RPH3A: variants seen among roughly 807,000 people sequenced by gnomAD.
RPH3A encodes rabphilin-3A.
RPH3A carries 48 observed loss-of-function variants against 102.2 expected under a neutral mutation model. The ratio of observed to expected loss-of-function variants is 0.47; its 90% CI spans 0.37 to 0.60. RPH3A has a LOEUF of 0.60. Among genes scored for constraint, RPH3A ranks in the 20% least tolerant of loss-of-function variants. The pLI is 0.00. For missense variants in RPH3A, 781 were observed against 910.1 expected (o/e 0.86, Z 1.83); for synonymous variants, 310 against 324.3 (o/e 0.96, Z 0.47).
intron 1 of RPH3A, among the ~76,000 whole-genome samples, chr12:112,714,769 C>T (rs1215988642): frequency 6.6e-6 from 1 of 152,118 alleles, no homozygotes; most frequent in African/African-American, 2.4e-5. Context: ...CACTCAGGCT[C>T]TGCAGGAAAA....
At chr12:112,582,270 C>T (rs1360265988) in intron 1 of RPH3A, among the ~76,000 whole-genome samples, 3 of 146,536 alleles carry the variant, frequency 2.0e-5, no homozygotes, top group Non-Finnish European at 4.5e-5. Context: ...TTTAGAGATA[C>T]GTTCTCATTC....
intron 1 of RPH3A, among the ~76,000 whole-genome samples, chr12:112,613,026 T>A (rs2135975371): frequency 6.6e-6 from 1 of 152,246 alleles, no homozygotes; most frequent in Non-Finnish European, 1.5e-5. Flanking sequence ...ATAATTCCTG[T>A]CTAATGAGCT....
chr12:112,675,843 T>C (rs2040170466), intron 1 of RPH3A, among the ~76,000 whole-genome samples: 1 of 152,102 alleles, frequency 6.6e-6, no homozygotes, highest in Admixed American at 6.5e-5. Flanking sequence ...AAAATAGAAA[T>C]GACACTGAGT....
chr12:112,778,784 T>C (rs1468981234), intron 1 of RPH3A, among the ~76,000 whole-genome samples: 1 of 152,186 alleles, frequency 6.6e-6, no homozygotes. Flanking sequence ...TATGCCTCTT[T>C]CCTAAGAATG....
At chr12:112,710,067 C>T (rs370490158) in intron 1 of RPH3A, among the ~76,000 whole-genome samples, 5 of 152,208 alleles carry the variant, frequency 3.3e-5, no homozygotes, top group African/African-American at 7.2e-5. Flanking sequence ...CTCCGCCGCC[C>T]GGGTTCACAC....
At chr12:112,776,735 G>A (rs1205311176) in intron 1 of RPH3A, among the ~76,000 whole-genome samples, 4 of 151,680 alleles carry the variant, frequency 2.6e-5, no homozygotes, top group East Asian at 1.9e-4. Flanking sequence ...TTAGCTGGGC[G>A]TGGTGGTGGG....
At chr12:112,755,338 C>T (rs1024328101) in intron 1 of RPH3A, among the ~76,000 whole-genome samples, 5 of 138,280 alleles carry the variant, frequency 3.6e-5, no homozygotes, top group Non-Finnish European at 6.3e-5. Flanking sequence ...CACACACACA[C>T]ATACATATGC....
At chr12:112,670,106 A>C (rs1203516752) in intron 1 of RPH3A, among the ~76,000 whole-genome samples, 1 of 152,228 alleles carries the variant, frequency 6.6e-6, no homozygotes, top group South Asian at 2.1e-4. Flanking sequence ...AATGTTAGAC[A>C]TTGCCAAAAA....
chr12:112,576,753 G>A (rs1378596547), intron 1 of RPH3A, among the ~76,000 whole-genome samples: 2 of 152,102 alleles, frequency 1.3e-5, no homozygotes, highest in East Asian at 3.8e-4. Context: ...CTTTTGGAAG[G>A]TGTGGCTATA....
intron 1 of RPH3A, among the ~76,000 whole-genome samples, chr12:112,706,398 C>G (rs2040427105): frequency 6.6e-6 from 1 of 152,158 alleles, no homozygotes; most frequent in Non-Finnish European, 1.5e-5. Context: ...CCACACAGAA[C>G]AGGTTCAAGG....
chr12:112,641,356 G>T (rs1226483261), intron 1 of RPH3A, among the ~76,000 whole-genome samples: 1 of 152,182 alleles, frequency 6.6e-6, no homozygotes, highest in African/African-American at 2.4e-5. Flanking sequence ...AATGTGGTCA[G>T]ATGTGAAGAT....
At chr12:112,739,915 G>A (rs1473912092) in intron 1 of RPH3A, among the ~76,000 whole-genome samples, 1 of 148,052 alleles carries the variant, frequency 6.8e-6, no homozygotes, top group Non-Finnish European at 1.5e-5. Flanking sequence ...TGGCCCCAAG[G>A]CTCTAGGAAT....
At chr12:112,837,784 G>T (rs971957310) in intron 4 of RPH3A, 8 of 455,800 alleles carry the variant, frequency 1.8e-5, no homozygotes, top group African/African-American at 1.2e-4. Flanking sequence ...GTTCTTAGAG[G>T]CTTCATGAAT....
At chr12:112,591,445 G>T (rs918976634) in intron 1 of RPH3A, 2 of 152,248 alleles carry the variant, frequency 1.3e-5, no homozygotes, top group Non-Finnish European at 2.9e-5. Flanking sequence ...GTCCCATGAG[G>T]TCACTTCTCT....
intron 5 of RPH3A, among the ~76,000 whole-genome samples, chr12:112,851,613 G>A (rs1027264123): frequency 1.3e-5 from 2 of 152,130 alleles, no homozygotes; most frequent in Non-Finnish European, 2.9e-5. Flanking sequence ...GCTGTCCCAG[G>A]GAGCCCCAGG....
upstream of RPH3A, chr12:112,791,389 T>A (rs2041098628): frequency 6.6e-6 from 1 of 152,352 alleles, no homozygotes; most frequent in South Asian, 2.1e-4. Flanking sequence ...TTAGAAAAAG[T>A]GTGTGGTAGG....
At chr12:112,656,066 C>T (rs188385882) in intron 1 of RPH3A, among the ~76,000 whole-genome samples, 42 of 152,078 alleles carry the variant, frequency 2.8e-4, no homozygotes, top group African/African-American at 4.3e-4. Flanking sequence ...CATTAGCTGT[C>T]GATTTTGTGC....
chr12:112,609,622 T>C (rs1178569941), intron 1 of RPH3A, among the ~76,000 whole-genome samples: 2 of 152,222 alleles, frequency 1.3e-5, no homozygotes, highest in African/African-American at 2.4e-5. Context: ...CTTCTAGCAT[T>C]GATGACAGAG....
chr12:112,817,599 G>T (rs975383288), intron 2 of RPH3A, among the ~76,000 whole-genome samples: 14 of 152,060 alleles, frequency 9.2e-5, no homozygotes, highest in African/African-American at 2.7e-4. Flanking sequence ...CTTTTTAGAG[G>T]AGGGAAGAAA....
Sources: allele counts gnomAD v4.1 joint callset (sites outside exome capture counted in the v4.1 genomes callset), GRCh38; gene constraint gnomAD v4.1.1; transcripts MANE v1.5; gene names NCBI Gene and HGNC (gene_info 2026-07-23, HGNC 2026-07-21).